The following DNMBP variants were observed in gnomAD, a reference collection of about 807,000 sequenced individuals.
DNMBP encodes the protein dynamin binding protein, also known as dynamin-binding protein.
Under a neutral mutation model 150.0 loss-of-function variants are expected in DNMBP, and 87 were observed. The ratio of observed to expected loss-of-function variants is 0.58; its 90% CI spans 0.49 to 0.69. The LOEUF (loss-of-function observed/expected upper bound fraction) is 0.69, where lower values mean the gene tolerates loss of function less well. Among genes scored for constraint, DNMBP ranks in the 30% least tolerant of loss-of-function variants. The pLI is 0.00. For synonymous variants in DNMBP, 711 were observed against 750.4 expected (o/e 0.95, Z 0.86); for missense variants, 1,774 against 1,949.0 (o/e 0.91, Z 1.69).
rs894743579 is a variant in DNMBP at position 99,941,714 on chromosome 10, C to T, written c.2260+13500G>A. Among the ~76,000 whole-genome samples the T allele has an allele frequency of 4.6e-5, 7 of 152,054 alleles. No individual in the cohort carries two copies. The South Asian group carries it at 1.0e-3, about 23-fold the overall frequency. ...AACTCCTGACCTCAGGTGATCCGCC[C>T]GCCTTGGCCTCCCAAAGTGCTGGGA... On this transcript the variant is annotated intron_variant, in intron 4 of 16. Coordinates refer to ENST00000324109, the MANE Select transcript of DNMBP (RefSeq NM_015221.4).
chr10:99,891,514 G>A (rs528395908), intron 11 of DNMBP, among the ~76,000 whole-genome samples: 68 of 152,098 alleles, frequency 4.5e-4, no homozygotes, highest in East Asian at 7.8e-4. Context: ...GCGTGATCTC[G>A]GCTCGCTACA....
At position 99,927,695 on chromosome 10, in the gene DNMBP, G is replaced by A. The variant is rs148410985; in HGVS notation, c.2261-18549C>T. Among the ~76,000 whole-genome samples, 26 of 152,198 alleles carry A rather than the reference G, an allele frequency of 1.7e-4. 1 individual carries two copies. The East Asian group carries it at 4.2e-3, about 25-fold the overall frequency. On this transcript the variant is annotated intron_variant, in intron 4 of 16. Transcript: ENST00000324109. ...TTATAGGTCAAGAAGGATATTAGGG[G>A]TACAAAAAGGGGTGAACTAAATATG...
intron 10 of DNMBP, 72 bp from the exon 11 acceptor site, chr10:99,895,122 CTTTTTTTTT>C: frequency 2.0e-6 from 1 of 510,100 alleles, no homozygotes; most frequent in Non-Finnish European, 3.3e-6. Flanking sequence ...AAGTAGCTTG[CTTTTTTTTT>C]TTTTTTTTTG....
intron 4 of DNMBP, among the ~76,000 whole-genome samples, chr10:99,941,218 T>C (rs1031851008): frequency 5.3e-5 from 8 of 152,110 alleles, no homozygotes; most frequent in African/African-American, 1.9e-4. Context: ...TTTTTCCATT[T>C]GGCTTTCCTT....
At chr10:99,961,718 C>T (rs188074070) in intron 3 of DNMBP, among the ~76,000 whole-genome samples, 7 of 152,252 alleles carry the variant, frequency 4.6e-5, no homozygotes, top group African/African-American at 1.2e-4. Flanking sequence ...TCTCCCTCCC[C>T]GGGCCAAACT....
intron 7 of DNMBP, among the ~76,000 whole-genome samples, chr10:99,899,283 A>C (rs1480477202): frequency 6.6e-6 from 1 of 151,632 alleles, no homozygotes; most frequent in East Asian, 2.0e-4. Context: ...TGCTTCCCTA[A>C]GACCAGGACA....
chr10:99,954,514 G>A (rs1330728119), intron 4 of DNMBP, among the ~76,000 whole-genome samples: 2 of 151,790 alleles, frequency 1.3e-5, no homozygotes, highest in Non-Finnish European at 2.9e-5. Flanking sequence ...GGAGGTCAAG[G>A]TGGGCGGATC....
chr10:99,962,612 T>C (rs866062557), intron 3 of DNMBP, among the ~76,000 whole-genome samples: 33 of 151,336 alleles, frequency 2.2e-4, no homozygotes, highest in African/African-American at 7.3e-4. Context: ...GCCTGGGCGA[T>C]AGAGCGAGAC....
At chr10:99,909,684 A>C (rs2039877127) in intron 4 of DNMBP, among the ~76,000 whole-genome samples, 1 of 152,228 alleles carries the variant, frequency 6.6e-6, no homozygotes, top group Non-Finnish European at 1.5e-5. Context: ...TGGTAGGTCA[A>C]CACTAGCATA....
intron 3 of DNMBP, chr10:99,957,490 A>T (rs2040514087): frequency 7.3e-6 from 3 of 410,850 alleles, no homozygotes; most frequent in Non-Finnish European, 1.3e-5. Flanking sequence ...CTTTATCTAC[A>T]TATTTTACTC....
chr10:99,884,360 GC>G, intron 14 of DNMBP, 151 bp from the exon 15 acceptor site: 1 of 693,814 alleles, frequency 1.4e-6, no homozygotes, highest in Non-Finnish European at 2.4e-6. Context: ...GATGAAGCCA[GC>G]CCATGTGGCT....
At chr10:99,910,966 G>A (rs889151908) in intron 4 of DNMBP, among the ~76,000 whole-genome samples, 4 of 152,208 alleles carry the variant, frequency 2.6e-5, no homozygotes, top group Admixed American at 1.3e-4. Flanking sequence ...TAGGCCAAGT[G>A]TGGTGGCTCA....
intron 1 of DNMBP, among the ~76,000 whole-genome samples, chr10:99,982,553 G>A (rs904703343): frequency 2.6e-5 from 4 of 152,128 alleles, no homozygotes; most frequent in Admixed American, 2.6e-4. Flanking sequence ...CCAGGTGAGA[G>A]GTAAGCACTG....
chr10:99,943,052 G>T (rs180693835), intron 4 of DNMBP, among the ~76,000 whole-genome samples: 6 of 149,312 alleles, frequency 4.0e-5, no homozygotes, highest in South Asian at 2.1e-4. Context: ...GGAGGCTGAG[G>T]GGGGGGCGGA....
intron 1 of DNMBP, among the ~76,000 whole-genome samples, chr10:99,973,023 C>G (rs12265095): frequency 0.064 from 9,817 of 152,264 alleles, 435 homozygotes; most frequent in African/African-American, 0.12. Flanking sequence ...CTCAAGTGAT[C>G]TGCCCACCTC....
intron 1 of DNMBP, among the ~76,000 whole-genome samples, chr10:99,996,842 C>G (rs992028939): frequency 6.6e-6 from 1 of 152,140 alleles, no homozygotes; most frequent in Non-Finnish European, 1.5e-5. Context: ...CACTATCCCA[C>G]AGAACTATCA....
intron 4 of DNMBP, among the ~76,000 whole-genome samples, chr10:99,945,762 A>G (rs1390529795): frequency 6.6e-6 from 1 of 152,242 alleles, no homozygotes; most frequent in Non-Finnish European, 1.5e-5. Flanking sequence ...GAAATACAAA[A>G]GAGATGTGAA....
chr10:99,999,489 C>T (rs1239630627), intron 1 of DNMBP, among the ~76,000 whole-genome samples: 2 of 152,064 alleles, frequency 1.3e-5, no homozygotes, highest in Non-Finnish European at 1.5e-5. Context: ...CACAGTAGTC[C>T]CCACCTTATC....
intron 1 of DNMBP, among the ~76,000 whole-genome samples, chr10:99,979,276 C>T (rs1359665253): frequency 1.3e-5 from 2 of 152,180 alleles, no homozygotes; most frequent in Admixed American, 6.5e-5. Flanking sequence ...AATTCAACTC[C>T]TATCACCAAG....
Sources: allele counts gnomAD v4.1 joint callset (sites outside exome capture counted in the v4.1 genomes callset), GRCh38; gene constraint gnomAD v4.1.1; transcripts MANE v1.5; gene names NCBI Gene and HGNC (gene_info 2026-07-23, HGNC 2026-07-21).